Variants in SOX5 observed in about 807,000 individuals in gnomAD.
The protein encoded by SOX5 is SRY-box transcription factor 5, also known as transcription factor SOX-5.
Under a neutral mutation model 92.0 loss-of-function variants are expected in SOX5, and 9 were observed. The observed-to-expected ratio is 0.10, with a 90% CI of 0.06 to 0.17. SOX5 has a LOEUF of 0.17. SOX5 is among the 10% of genes least tolerant of loss of function. SOX5 has a pLI of 1.00. For synonymous variants in SOX5, 344 were observed against 336.3 expected (o/e 1.02, Z -0.25); for missense variants, 642 against 944.5 (o/e 0.68, Z 4.20).
intron 4 of SOX5, among the ~76,000 whole-genome samples, chr12:24,057,002 A>C (rs886312419): frequency 1.5e-4 from 22 of 147,694 alleles, no homozygotes; most frequent in African/African-American, 4.8e-4. Context: ...AATTCAACAA[A>C]AAAAAAGAAA....
At chr12:24,259,659 G>A (rs1941790826) in intron 3 of SOX5, among the ~76,000 whole-genome samples, 1 of 152,152 alleles carries the variant, frequency 6.6e-6, no homozygotes, top group African/African-American at 2.4e-5. Context: ...ATTATTAAAA[G>A]GAAAAACTTT....
In SOX5 at chr12:23,957,742, G is replaced by A. The variant is rs1040683785; in HGVS notation, c.-1-61718C>T. Among the ~76,000 whole-genome samples, 13 of 152,144 alleles carry A rather than the reference G, an allele frequency of 8.5e-5. No homozygotes were observed. The East Asian group carries it at 1.9e-3, about 23-fold the overall frequency. On this transcript the variant is annotated intron_variant, in intron 4 of 4. Transcript: ENST00000446891. Reference sequence around the variant, plus strand: ...TTAGAAAATAATTCAGAAGGACTATGCACAGGATGAAAATATAATATACGC... The same window carrying A: ...TTAGAAAATAATTCAGAAGGACTATACACAGGATGAAAATATAATATACGC...
At chr12:24,412,560 T>G (rs1964295198) in intron 1 of SOX5, among the ~76,000 whole-genome samples, 1 of 152,110 alleles carries the variant, frequency 6.6e-6, no homozygotes, top group Non-Finnish European at 1.5e-5. Context: ...AATGTATATT[T>G]CTCAGTTTCC....
At chr12:23,845,373 CTTTAAT>C (rs970302842) in intron 3 of SOX5, among the ~76,000 whole-genome samples, 2 of 152,016 alleles carry the variant, frequency 1.3e-5, no homozygotes, top group Non-Finnish European at 2.9e-5. Flanking sequence ...GGCTTGTTTG[CTTTAAT>C]TTTAAGATTA....
At chr12:24,460,311 G>C (rs1012855427) in intron 1 of SOX5, among the ~76,000 whole-genome samples, 1 of 152,170 alleles carries the variant, frequency 6.6e-6, no homozygotes, top group Non-Finnish European at 1.5e-5. Context: ...CAAATGTGTA[G>C]AGTAAATCCT....
intron 4 of SOX5, among the ~76,000 whole-genome samples, chr12:24,126,209 TC>T (rs916719884): frequency 4.6e-5 from 7 of 152,186 alleles, no homozygotes; most frequent in African/African-American, 1.7e-4. Context: ...TGTTTTGAAT[TC>T]CCCTTCCATG....
intron 1 of SOX5, among the ~76,000 whole-genome samples, chr12:24,404,033 T>C (rs771938599): frequency 6.6e-6 from 1 of 152,222 alleles, no homozygotes; most frequent in Non-Finnish European, 1.5e-5. Context: ...GAATTGTTTT[T>C]AAAAGGAAAA....
At chr12:24,272,594 A>G (rs1943900818) in intron 3 of SOX5, among the ~76,000 whole-genome samples, 1 of 152,218 alleles carries the variant, frequency 6.6e-6, no homozygotes, top group South Asian at 2.1e-4. Flanking sequence ...GAAATTTATT[A>G]AATGCCTTCC....
intron 3 of SOX5, among the ~76,000 whole-genome samples, chr12:24,263,565 A>T (rs1429128214): frequency 6.6e-6 from 1 of 151,042 alleles, no homozygotes; most frequent in Non-Finnish European, 1.5e-5. Flanking sequence ...AAAACAAGAA[A>T]TTACTAAAAG....
intron 4 of SOX5, among the ~76,000 whole-genome samples, chr12:24,096,251 G>A (rs1248407641): frequency 6.6e-6 from 1 of 152,026 alleles, no homozygotes; most frequent in African/African-American, 2.4e-5. Flanking sequence ...ATTTCTCCTA[G>A]TGCTATACCT....
chr12:24,549,498 A>G (rs981938386), intron 1 of SOX5, among the ~76,000 whole-genome samples: 3 of 152,252 alleles, frequency 2.0e-5, no homozygotes, highest in African/African-American at 7.2e-5. Context: ...GGAGGTTTAA[A>G]GCAGATAGAA....
At chr12:23,872,828 G>A (rs2096889516) in intron 2 of SOX5, among the ~76,000 whole-genome samples, 1 of 152,180 alleles carries the variant, frequency 6.6e-6, no homozygotes, top group Non-Finnish European at 1.5e-5. Context: ...CGCAAGAAAA[G>A]GAGGCAGCAA....
intron 1 of SOX5, among the ~76,000 whole-genome samples, chr12:24,501,736 AG>A (rs1294421031): frequency 1.3e-5 from 2 of 152,156 alleles, no homozygotes; most frequent in Non-Finnish European, 2.9e-5. Flanking sequence ...CTGAGGTGGA[AG>A]GATTGCTTGA....
intron 1 of SOX5, among the ~76,000 whole-genome samples, chr12:24,439,447 T>C (rs1213248845): frequency 1.3e-5 from 2 of 152,214 alleles, no homozygotes; most frequent in East Asian, 3.8e-4. Context: ...AGAAGGACTA[T>C]CCTGAGCATG....
At chr12:24,357,892 C>T (rs188131959) in intron 2 of SOX5, among the ~76,000 whole-genome samples, 2 of 151,818 alleles carry the variant, frequency 1.3e-5, no homozygotes, top group Admixed American at 1.3e-4. Context: ...AATTGTATGC[C>T]TCAGTTTAGC....
chr12:23,575,765 G>A lies in SOX5; in HGVS notation c.1238C>T (p.Thr413Ile), dbSNP rs373260333. Residue 413 changes from threonine to isoleucine, a missense_variant, in exon 10 of 15, where the codon ACC becomes ATC. This residue lies in a region of SOX5 where 324 missense variants were observed against 461.6 expected (regional missense o/e 0.70). Transcript: ENST00000451604. ...TCTCAGAGCTGGCATATGGGGAGAG[G>A]TGGGTGATGTGGGTGATTTGCCATC... ...TSDGKSPTSP[T>I]SPHMPALRIN... The A allele has an allele frequency of 2.9e-5, 47 of 1,611,692 alleles. No homozygotes were observed. Among genetic ancestry groups the A allele is most frequent in the Non-Finnish European group, 4.0e-5 (47 of 1,179,064 alleles).
intron 4 of SOX5, among the ~76,000 whole-genome samples, chr12:23,972,271 T>C (rs1214545133): frequency 6.6e-6 from 1 of 152,208 alleles, no homozygotes; most frequent in Non-Finnish European, 1.5e-5. Context: ...TTTCAGGGTA[T>C]CAGATTATGA....
At chr12:23,538,476 T>C (rs965318634) in intron 13 of SOX5, among the ~76,000 whole-genome samples, 2 of 152,188 alleles carry the variant, frequency 1.3e-5, no homozygotes, top group Admixed American at 6.5e-5. Context: ...GGTCAAGCCA[T>C]ATCATTTGTA....
At position 24,393,686 on chromosome 12, in the gene SOX5, T is replaced by C. The variant is rs1596247154; in HGVS notation, c.-250-25047A>G. 6.6e-6 allele frequency among the ~76,000 whole-genome samples: 1 copy of C among 152,224 alleles called. No individual in the cohort carries two copies. The highest frequency in any genetic ancestry group is 1.5e-5 in the Non-Finnish European group (1 of 68,036). On this transcript the variant is annotated intron_variant, in intron 1 of 4. Coordinates refer to the SOX5 transcript ENST00000446891. The surrounding 1 kb of genome is among the most constrained non-coding windows in gnomAD (Gnocchi z 5.0). ...AAACTAGTGCTTAATGTAGAAATTA[T>C]TAAAATTTGGCAAAACTTTTCTATT...
Sources: allele counts gnomAD v4.1 joint callset (sites outside exome capture counted in the v4.1 genomes callset), GRCh38; gene constraint gnomAD v4.1.1; regional missense constraint gnomAD v4.1.1; non-coding constraint Gnocchi (gnomAD v3.1); transcripts MANE v1.5; gene names NCBI Gene and HGNC (gene_info 2026-07-23, HGNC 2026-07-21).